DTNB: variants seen among roughly 807,000 people sequenced by gnomAD.
DTNB encodes the protein DTN-B.
DTNB carries 63 observed loss-of-function variants against 90.7 expected under a neutral mutation model. The ratio of observed to expected loss-of-function variants is 0.69; its 90% CI spans 0.57 to 0.86. DTNB has a LOEUF of 0.86. Ranked by LOEUF, DTNB falls within the 40% of genes least tolerant of loss-of-function variation. DTNB has a pLI of 0.00. For missense variants in DTNB, 744 were observed against 807.1 expected (o/e 0.92, Z 0.95); for synonymous variants, 277 against 286.7 (o/e 0.97, Z 0.34).
rs2077801013 is a variant in DTNB at position 25,639,583 on chromosome 2, T to C, written c.68-489A>G. Among the ~76,000 whole-genome samples, 3 of 151,108 alleles carry C rather than the reference T, an allele frequency of 2.0e-5. No homozygotes were observed. The South Asian group carries it at 6.3e-4, about 32-fold the overall frequency. Reference sequence around the variant, plus strand: ...TTGCCTGAAAGGTCCCCTTCCAGTCTGTGGCAGCCTGTATTTTCCAAAAAA... The same window carrying C: ...TTGCCTGAAAGGTCCCCTTCCAGTCCGTGGCAGCCTGTATTTTCCAAAAAA... On this transcript the variant is annotated intron_variant, in intron 2 of 20. Transcript: ENST00000406818.
chr2:25,490,098 A>G (rs2067050247), intron 9 of DTNB, among the ~76,000 whole-genome samples: 1 of 152,226 alleles, frequency 6.6e-6, no homozygotes, highest in Non-Finnish European at 1.5e-5. Flanking sequence ...CAACATGGCA[A>G]GACCCCATCT....
chr2:25,456,069 T>C (rs542267092), intron 10 of DTNB, among the ~76,000 whole-genome samples: 12 of 152,260 alleles, frequency 7.9e-5, no homozygotes, highest in Non-Finnish European at 1.3e-4. Flanking sequence ...AAGGCAACAC[T>C]ATATACTCTG....
At position 25,433,895 on chromosome 2, in the gene DTNB, C is replaced by T. The variant is rs1285164029; in HGVS notation, c.1343+15G>A. 6.2e-7 allele frequency: 1 copy of T among 1,613,194 alleles called. No individual in the cohort carries two copies. The highest frequency in any genetic ancestry group is 8.5e-7 in the Non-Finnish European group (1 of 1,179,374). Reference sequence around the variant, plus strand: ...TCCTGGACTCTGGAAGTGGGCTCAGCCTCTGCGTTCTTACCTGTTTTTGTT... The same window carrying T: ...TCCTGGACTCTGGAAGTGGGCTCAGTCTCTGCGTTCTTACCTGTTTTTGTT... On this transcript the variant is annotated intron_variant, in intron 13 of 20. Coordinates refer to ENST00000406818, the MANE Select transcript of DTNB (RefSeq NM_021907.5).
intron 1 of DTNB, among the ~76,000 whole-genome samples, chr2:25,659,717 G>C (rs942778886): frequency 6.6e-6 from 1 of 151,836 alleles, no homozygotes; most frequent in African/African-American, 2.4e-5. Flanking sequence ...CAGATAACCA[G>C]AATAACCCTA....
At chr2:25,473,421 CA>C (rs35606290) in intron 10 of DTNB, among the ~76,000 whole-genome samples, 17,252 of 152,204 alleles carry the variant, frequency 0.11, 1,287 homozygotes, top group Non-Finnish European at 0.16. Flanking sequence ...AAGGTCAAAA[CA>C]TATTTCAGTG....
intron 8 of DTNB, among the ~76,000 whole-genome samples, chr2:25,555,876 A>C (rs1162668762): frequency 6.6e-6 from 1 of 151,804 alleles, no homozygotes; most frequent in African/African-American, 2.4e-5. Context: ...AAGAATTAGC[A>C]GGGCATGGTG....
chr2:25,555,594 CAA>C (rs2057195063), intron 8 of DTNB, among the ~76,000 whole-genome samples: 1 of 152,238 alleles, frequency 6.6e-6, no homozygotes, highest in Admixed American at 6.5e-5. Context: ...TAAACACACA[CAA>C]AATCAAATCT....
intron 16 of DTNB, among the ~76,000 whole-genome samples, chr2:25,395,125 A>T (rs1176065495): frequency 6.6e-6 from 1 of 152,260 alleles, no homozygotes; most frequent in Admixed American, 6.5e-5. Context: ...GAAGTAACTC[A>T]GGAATGGAAA....
chr2:25,661,645 T>G (rs1462894149), intron 1 of DTNB, among the ~76,000 whole-genome samples: 1 of 152,258 alleles, frequency 6.6e-6, no homozygotes, highest in Admixed American at 6.5e-5. Context: ...AAGCGTTTGC[T>G]CTACAATAAT....
intron 10 of DTNB, among the ~76,000 whole-genome samples, chr2:25,462,512 T>C (rs2061123531): frequency 6.6e-6 from 1 of 152,168 alleles, no homozygotes; most frequent in African/African-American, 2.4e-5. Flanking sequence ...TCTCTATGCT[T>C]AGTCCCCTCA....
At chr2:25,502,978 CG>C (rs981966271) in intron 9 of DTNB, among the ~76,000 whole-genome samples, 7 of 138,670 alleles carry the variant, frequency 5.0e-5, no homozygotes, top group Non-Finnish European at 1.1e-4. Context: ...CACCTGAGCC[CG>C]GGAGGGCAAG....
intron 9 of DTNB, among the ~76,000 whole-genome samples, chr2:25,496,033 T>A (rs2068751617): frequency 6.6e-6 from 1 of 152,214 alleles, no homozygotes; most frequent in Non-Finnish European, 1.5e-5. Flanking sequence ...AAATCCATTC[T>A]TACACTTTCA....
intron 2 of DTNB, among the ~76,000 whole-genome samples, chr2:25,647,794 C>A (rs1471440831): frequency 2.0e-5 from 3 of 149,994 alleles, no homozygotes; most frequent in Non-Finnish European, 4.4e-5. Flanking sequence ...AAATAGAGAA[C>A]TGATTATGAA....
intron 10 of DTNB, among the ~76,000 whole-genome samples, chr2:25,465,355 G>A (rs145074344): frequency 1.8e-3 from 263 of 143,040 alleles, no homozygotes; most frequent in African/African-American, 6.6e-3. Context: ...CAGCCTGGGC[G>A]ACAGAGCGAG....
At chr2:25,611,654 T>G (rs6745864) in intron 4 of DTNB, among the ~76,000 whole-genome samples, 121,600 of 151,958 alleles carry the variant, frequency 0.8, 49,185 homozygotes, top group Non-Finnish European at 0.84. Flanking sequence ...CAAGAAGAAG[T>G]CCGTCCTTAG....
In DTNB at chr2:25,589,367, C is replaced by CTTTTTTTTTTTTTTTTTTTTTTTTTTT. The variant is rs1169808182; in HGVS notation, c.603+6692_603+6718dup. On this transcript the variant is annotated intron_variant, in intron 6 of 20. Transcript: ENST00000406818. The stretch of plus-strand genomic sequence containing the variant: ...GCTTATTCAGGTTTCTTTTTCTTTT[C>CTTTTTTTTTTTTTTTTTTTTTTTTTTT]TTTTTTTTTTTTTTTTTTTTTTTTT... Among the ~76,000 whole-genome samples, 2 of 57,546 alleles carry CTTTTTTTTTTTTTTTTTTTTTTTTTTT rather than the reference C, an allele frequency of 3.5e-5. 1 individual carries two copies. The allele number at this position is 57,546 out of a possible 152,430, so 37.8% of individuals were successfully genotyped here. A position where few individuals can be genotyped will look rare whatever the true frequency, so the allele number is the denominator to read the frequency against.
rs189205858 is a variant in DTNB, at chr2:25,403,201, C to T, written c.1576-14840G>A. On this transcript the variant is annotated intron_variant, in intron 16 of 20. Transcript: ENST00000406818. ...CGCAATCTCGGCTCACTGCAACCTC[C>T]GCCTCCTGGGTTCAAGCGATTCTTG... 3.0e-4 allele frequency among the ~76,000 whole-genome samples: 46 copies of T among 152,282 alleles called. No homozygotes were observed. The East Asian group carries it at 3.9e-3, about 13-fold the overall frequency.
chr2:25,465,757 C>T (rs560138479), intron 10 of DTNB, among the ~76,000 whole-genome samples: 3 of 152,280 alleles, frequency 2.0e-5, no homozygotes, highest in South Asian at 4.1e-4. Flanking sequence ...GTCGTCTCTC[C>T]GGAGGGTCCT....
At chr2:25,532,130 G>A (rs994942279) in intron 8 of DTNB, among the ~76,000 whole-genome samples, 4 of 151,560 alleles carry the variant, frequency 2.6e-5, no homozygotes, top group Non-Finnish European at 2.9e-5. Flanking sequence ...CCTGTAATCC[G>A]TGCTACATGG....
Sources: gnomAD v4.1 joint callset for allele counts (sites outside exome capture counted in the v4.1 genomes callset) on GRCh38, gnomAD v4.1.1 for gene constraint, MANE v1.5 for transcripts, NCBI Gene and HGNC (gene_info 2026-07-23, HGNC 2026-07-21) for gene names.